LUZP2: variants seen among roughly 807,000 people sequenced by gnomAD.
The protein encoded by LUZP2 is leucine zipper protein 2.
In LUZP2, 52 loss-of-function variants were observed where a neutral mutation model predicts 51.6. That is an observed-to-expected ratio of 1.01 (90% CI 0.81 to 1.27). The LOEUF (loss-of-function observed/expected upper bound fraction) is 1.27. LUZP2 is among the 50% of genes most tolerant of loss of function. The pLI is 0.00. For missense variants in LUZP2, 436 were observed against 395.4 expected (o/e 1.10, Z -0.87); for synonymous variants, 154 against 137.3 (o/e 1.12, Z -0.85).
chr11:24,822,953 T>G (rs529703346), intron 5 of LUZP2, among the ~76,000 whole-genome samples: 2 of 152,302 alleles, frequency 1.3e-5, no homozygotes, highest in South Asian at 2.1e-4. Flanking sequence ...ACTCATCTGT[T>G]GCACAAATGT....
intron 7 of LUZP2, among the ~76,000 whole-genome samples, chr11:24,960,454 C>G (rs1855358436): frequency 1.4e-5 from 2 of 147,188 alleles, no homozygotes; most frequent in Non-Finnish European, 3.0e-5. Flanking sequence ...GTCAGAGATT[C>G]AACTTCTTCC....
At chr11:25,055,877 A>G (rs1036901155) in intron 10 of LUZP2, among the ~76,000 whole-genome samples, 1 of 152,146 alleles carries the variant, frequency 6.6e-6, no homozygotes, top group African/African-American at 2.4e-5. Context: ...AGAGAGATAA[A>G]TATCTGTTGC....
At chr11:25,026,925 C>T (rs1857511006) in intron 9 of LUZP2, among the ~76,000 whole-genome samples, 1 of 149,178 alleles carries the variant, frequency 6.7e-6, no homozygotes, top group Admixed American at 6.7e-5. Context: ...AAGTTTTAAA[C>T]CAGTAAAATC....
chr11:24,558,379 G>GT (rs5790412), intron 1 of LUZP2, among the ~76,000 whole-genome samples: 58 of 150,048 alleles, frequency 3.9e-4, no homozygotes, highest in Admixed American at 6.6e-4. Context: ...AATCTTTTTT[G>GT]TTTTTTTTTC....
At chr11:24,588,327 T>C (rs1590212737) in intron 1 of LUZP2, among the ~76,000 whole-genome samples, 1 of 152,128 alleles carries the variant, frequency 6.6e-6, no homozygotes, top group Non-Finnish European at 1.5e-5. Flanking sequence ...AATCTCGCCA[T>C]GGGCAATGAC....
At chr11:25,072,583 T>C (rs1260245701) in intron 10 of LUZP2, among the ~76,000 whole-genome samples, 1 of 152,150 alleles carries the variant, frequency 6.6e-6, no homozygotes, top group African/African-American at 2.4e-5. Context: ...TTATATTTAC[T>C]CTTTAGATAA....
At chr11:24,614,026 T>C (rs926033485) in intron 1 of LUZP2, among the ~76,000 whole-genome samples, 2 of 152,016 alleles carry the variant, frequency 1.3e-5, no homozygotes, top group African/African-American at 4.8e-5. Context: ...ATGAGCTTGT[T>C]TCTCTTGCTA....
chr11:25,078,964 C>G lies in LUZP2; in HGVS notation c.*306C>G, dbSNP rs1859399815. 4.3e-6 allele frequency: 1 copy of G among 231,816 alleles called. No individual in the cohort carries two copies. Among genetic ancestry groups the G allele is most frequent in the Non-Finnish European group, 8.3e-6 (1 of 120,472 alleles). 14.4% of individuals were successfully genotyped at this position (231,816 alleles called of 1,614,324 possible). A position where few individuals can be genotyped will look rare whatever the true frequency, so the allele number is the denominator to read the frequency against. ...TAATTCTCCCGGTTCATTTGGATAT[C>G]TAGTACTTCTATGATATAGTTGTCA... On this transcript the variant is annotated 3_prime_UTR_variant, in exon 12 of 12. Transcript: ENST00000336930.
chr11:24,633,954 G>A (rs1854984250), intron 1 of LUZP2, among the ~76,000 whole-genome samples: 3 of 112,138 alleles, frequency 2.7e-5, no homozygotes, highest in African/African-American at 1.0e-4. Context: ...GTGTGTGTGT[G>A]TGTGTGTGTG....
chr11:24,727,395 C>T (rs1043306167), intron 1 of LUZP2, among the ~76,000 whole-genome samples: 3 of 151,920 alleles, frequency 2.0e-5, no homozygotes, highest in Non-Finnish European at 2.9e-5. Context: ...ACTTAATTTC[C>T]GTGCCTATAA....
At chr11:24,763,347 C>G in intron 5 of LUZP2, 39 bp downstream of exon 5, 1 of 948,804 alleles carries the variant, frequency 1.1e-6, no homozygotes, top group Non-Finnish European at 1.5e-6. Context: ...TTATATAGAT[C>G]AAATAATATA....
intron 7 of LUZP2, among the ~76,000 whole-genome samples, chr11:24,928,821 T>G (rs189874840): frequency 6.6e-6 from 1 of 152,102 alleles, no homozygotes; most frequent in Non-Finnish European, 1.5e-5. Context: ...CTTCTTTGAA[T>G]GTCTTATAGA....
chr11:24,531,832 C>T (rs1456984508), intron 1 of LUZP2, among the ~76,000 whole-genome samples: 2 of 150,842 alleles, frequency 1.3e-5, no homozygotes, highest in Admixed American at 6.6e-5. Context: ...TAGCTTAAGA[C>T]AAAAACTTAG....
intron 1 of LUZP2, among the ~76,000 whole-genome samples, chr11:24,517,741 A>G (rs1331461626): frequency 6.6e-6 from 1 of 151,976 alleles, no homozygotes; most frequent in Non-Finnish European, 1.5e-5. Flanking sequence ...GTTAAATGAG[A>G]GTTTAATCTT....
chr11:24,913,132 A>C (rs1252909481), intron 6 of LUZP2, among the ~76,000 whole-genome samples: 2 of 152,196 alleles, frequency 1.3e-5, no homozygotes, highest in African/African-American at 4.8e-5. Context: ...TTCAAAACAT[A>C]GAATTTTTTC....
chr11:24,966,425 T>A (rs1347631615), intron 7 of LUZP2, among the ~76,000 whole-genome samples: 1 of 150,448 alleles, frequency 6.6e-6, no homozygotes, highest in Non-Finnish European at 1.5e-5. Context: ...ATATTTACAT[T>A]TTTCTAATGT....
chr11:24,987,514 GT>G (rs1856222775), intron 9 of LUZP2, among the ~76,000 whole-genome samples: 1 of 151,820 alleles, frequency 6.6e-6, no homozygotes, highest in Non-Finnish European at 1.5e-5. Context: ...GGCTATTACT[GT>G]TTCTTTTCTT....
At chr11:24,768,962 C>A (rs570032333) in intron 5 of LUZP2, among the ~76,000 whole-genome samples, 1 of 152,302 alleles carries the variant, frequency 6.6e-6, no homozygotes, top group Non-Finnish European at 1.5e-5. Flanking sequence ...TTTATTGCAG[C>A]ACTATCACAA....
At chr11:24,699,995 C>T (rs571714242) in intron 1 of LUZP2, among the ~76,000 whole-genome samples, 1 of 150,020 alleles carries the variant, frequency 6.7e-6, no homozygotes, top group African/African-American at 2.4e-5. Context: ...CAAATTTGTA[C>T]TTGTCACTCC....
Sources: gnomAD v4.1 joint callset for allele counts (sites outside exome capture counted in the v4.1 genomes callset) on GRCh38, gnomAD v4.1.1 for gene constraint, MANE v1.5 for transcripts, NCBI Gene and HGNC (gene_info 2026-07-23, HGNC 2026-07-21) for gene names.